DOK6: variants seen among roughly 807,000 people sequenced by gnomAD.
DOK6 encodes downstream of tyrosine kinase 6.
In DOK6, 22 loss-of-function variants were observed where a neutral mutation model predicts 44.0. That is an observed-to-expected ratio of 0.50 (90% CI 0.36 to 0.71). DOK6 has a LOEUF of 0.71. Among genes scored for constraint, DOK6 ranks in the 30% least tolerant of loss-of-function variants. The pLI, the probability that DOK6 is intolerant of heterozygous loss-of-function variation, is 0.00. For synonymous variants in DOK6, 166 were observed against 145.5 expected, an observed-to-expected ratio of 1.14 and a Z score of -1.01; for missense variants, 340 against 416.4, an observed-to-expected ratio of 0.82 and a Z score of 1.60.
At chr18:69,669,838 T>G (rs953848693) in intron 3 of DOK6, among the ~76,000 whole-genome samples, 1 of 152,228 alleles carries the variant, frequency 6.6e-6, no homozygotes, top group African/African-American at 2.4e-5. Context: ...TATATATTTC[T>G]CATTGCTTTC....
intron 1 of DOK6, among the ~76,000 whole-genome samples, chr18:69,467,281 C>T (rs2122482914): frequency 6.6e-6 from 1 of 152,162 alleles, no homozygotes; most frequent in East Asian, 1.9e-4. Flanking sequence ...ATCAACAATT[C>T]ATATATAAGA....
At position 69,698,513 on chromosome 18, in the gene DOK6, G is replaced by A. The variant is rs996678234; in HGVS notation, c.519G>A (p.Lys173=). Residue 173 remains lysine, a synonymous_variant, in exon 5 of 8, where the codon AAG becomes AAA. Transcript: ENST00000382713. Reference sequence around the variant, plus strand: ...ATCTCTGGGATATCCACAATGCCAAGGTCAAACTGGTGATGTGGCCTCTCA... The same window carrying A: ...ATCTCTGGGATATCCACAATGCCAAAGTCAAACTGGTGATGTGGCCTCTCA... ...NIYLWDIHNA[K]VKLVMWPLSS... 5.0e-6 allele frequency: 8 copies of A among 1,613,990 alleles called. No individual in the cohort carries two copies. Among genetic ancestry groups the A allele is most frequent in the African/African-American group, 1.3e-5 (1 of 74,926 alleles).
rs1208652993 is a variant in DOK6, at chr18:69,687,409, C to T, written c.409+9556C>T. Among the ~76,000 whole-genome samples, 3 of 151,170 alleles carry T rather than the reference C, an allele frequency of 2.0e-5. No homozygotes were observed. In the East Asian group the frequency reaches 5.8e-4, roughly 29 times the overall value. ...ACCTAGGAATAGAGGCCAGGCATGA[C>T]GGTGGCTCACACCTGTGATCTCAGC... On this transcript the variant is annotated intron_variant, in intron 4 of 7. Coordinates refer to ENST00000382713, the MANE Select transcript of DOK6 (RefSeq NM_152721.6).
intron 1 of DOK6, among the ~76,000 whole-genome samples, chr18:69,466,608 A>C (rs981811868): frequency 6.6e-6 from 1 of 152,150 alleles, no homozygotes; most frequent in Non-Finnish European, 1.5e-5. Flanking sequence ...ATTTAAACTT[A>C]CTATAAAATT....
At chr18:69,608,843 G>A (rs964954332) in intron 3 of DOK6, among the ~76,000 whole-genome samples, 3 of 151,638 alleles carry the variant, frequency 2.0e-5, no homozygotes, top group South Asian at 2.1e-4. Flanking sequence ...CCAGCTACTC[G>A]GGAGGCTGAG....
chr18:69,567,665 T>C (rs1394898137), intron 2 of DOK6, among the ~76,000 whole-genome samples: 1 of 152,148 alleles, frequency 6.6e-6, no homozygotes, highest in Non-Finnish European at 1.5e-5. Context: ...TCATTTCCAG[T>C]ACATAACAGT....
At chr18:69,655,479 G>A (rs11151523) in intron 3 of DOK6, among the ~76,000 whole-genome samples, 61,467 of 151,858 alleles carry the variant, frequency 0.4, 12,982 homozygotes, top group Admixed American at 0.46. Context: ...AAGGTTGGGC[G>A]CGGTGGCTCA....
chr18:69,765,707 A>G (rs1304400914), intron 7 of DOK6, among the ~76,000 whole-genome samples: 1 of 152,170 alleles, frequency 6.6e-6, no homozygotes, highest in African/African-American at 2.4e-5. Flanking sequence ...AGAGGTTAAA[A>G]TCTTGAGTTC....
rs573123960 is a variant in DOK6, at chr18:69,809,801, A to G, written c.857-31443A>G. 4.6e-5 allele frequency among the ~76,000 whole-genome samples: 7 copies of G among 152,016 alleles called. No homozygotes were observed. In the South Asian group the frequency reaches 1.4e-3, roughly 31 times the overall value. On this transcript the variant is annotated intron_variant, in intron 7 of 7. Transcript: ENST00000382713. ...AGGAGGTGAAAGACCTGTACACAGA[A>G]AACCACATAACATTGATGAAAGAAA...
At chr18:69,598,601 TA>T (rs1277771158) in intron 2 of DOK6, among the ~76,000 whole-genome samples, 1 of 152,132 alleles carries the variant, frequency 6.6e-6, no homozygotes, top group Non-Finnish European at 1.5e-5. Flanking sequence ...TTTAAAAAAT[TA>T]ACTCATTGAA....
intron 7 of DOK6, among the ~76,000 whole-genome samples, chr18:69,802,680 C>T (rs935384172): frequency 6.6e-6 from 1 of 152,124 alleles, no homozygotes; most frequent in African/African-American, 2.4e-5. Flanking sequence ...GTCATGGCCT[C>T]CCTGTCTTGC....
intron 7 of DOK6, among the ~76,000 whole-genome samples, chr18:69,768,783 A>G (rs1015693771): frequency 6.6e-6 from 1 of 151,912 alleles, no homozygotes; most frequent in Admixed American, 6.6e-5. Context: ...AGTGGTGGGC[A>G]GGTGTGAAGA....
At chr18:69,696,340 T>A (rs958162227) in intron 4 of DOK6, among the ~76,000 whole-genome samples, 4 of 152,232 alleles carry the variant, frequency 2.6e-5, no homozygotes, top group South Asian at 4.1e-4. Context: ...GATCTTTTTT[T>A]AAACATTCTA....
intron 7 of DOK6, among the ~76,000 whole-genome samples, chr18:69,812,440 G>C (rs1981269689): frequency 6.6e-6 from 1 of 152,032 alleles, no homozygotes; most frequent in African/African-American, 2.4e-5. Flanking sequence ...CTGAGGAATG[G>C]TACATCTCCT....
At chr18:69,633,426 A>C (rs1260575311) in intron 3 of DOK6, among the ~76,000 whole-genome samples, 1 of 152,154 alleles carries the variant, frequency 6.6e-6, no homozygotes, top group African/African-American at 2.4e-5. Flanking sequence ...CTTTCTGAAA[A>C]TGTAGCTGGT....
At chr18:69,682,484 T>C (rs1986066323) in intron 4 of DOK6, among the ~76,000 whole-genome samples, 1 of 152,202 alleles carries the variant, frequency 6.6e-6, no homozygotes, top group Admixed American at 6.5e-5. Flanking sequence ...CATCTGTCTC[T>C]CAACCTCCTT....
chr18:69,785,106 A>G (rs767936344), intron 7 of DOK6, among the ~76,000 whole-genome samples: 2 of 152,234 alleles, frequency 1.3e-5, no homozygotes, highest in African/African-American at 4.8e-5. Flanking sequence ...TATAGGACAC[A>G]TAATTCAGCA....
chr18:69,745,000 C>T lies in DOK6; in HGVS notation c.738+5897C>T, dbSNP rs148189305. On this transcript the variant is annotated intron_variant, in intron 6 of 7. Coordinates refer to ENST00000382713, the MANE Select transcript of DOK6 (RefSeq NM_152721.6). ...AAACATGTATCTCTGCGTAAGGACA[C>T]GAAGGAGGTAGAGATAGTGAGAAAG... Among the ~76,000 whole-genome samples the T allele has an allele frequency of 1.1e-4, 17 of 149,620 alleles. No individual in the cohort carries two copies. In the East Asian group the frequency reaches 2.2e-3, roughly 19 times the overall value.
At chr18:69,836,804 A>G (rs1982067289) in intron 7 of DOK6, among the ~76,000 whole-genome samples, 1 of 152,152 alleles carries the variant, frequency 6.6e-6, no homozygotes, top group Non-Finnish European at 1.5e-5. Flanking sequence ...GTTGATTTTT[A>G]TTTTGTTTTG....
Sources: allele counts gnomAD v4.1 joint callset (sites outside exome capture counted in the v4.1 genomes callset), GRCh38; gene constraint gnomAD v4.1.1; transcripts MANE v1.5; gene names NCBI Gene and HGNC (gene_info 2026-07-23, HGNC 2026-07-21).